Variants in ANKS1B observed in about 807,000 individuals in gnomAD.
ANKS1B encodes ankyrin repeat and sterile alpha motif domain containing 1B.
Under a neutral mutation model 148.3 loss-of-function variants are expected in ANKS1B, and 36 were observed. That is an observed-to-expected ratio of 0.24 (90% CI 0.19 to 0.32). The LOEUF is 0.32. Among genes scored for constraint, ANKS1B ranks in the 10% least tolerant of loss-of-function variants. The pLI, the probability that ANKS1B is intolerant of heterozygous loss-of-function variation, is 1.00. For synonymous variants in ANKS1B, 542 were observed against 560.8 expected (o/e 0.97, Z 0.47); for missense variants, 1,157 against 1,542.6 (o/e 0.75, Z 4.19).
At chr12:99,844,522 G>A (rs377765820) in intron 1 of ANKS1B, among the ~76,000 whole-genome samples, 1 of 151,822 alleles carries the variant, frequency 6.6e-6, no homozygotes, top group Non-Finnish European at 1.5e-5. Context: ...CTTTTGTCAA[G>A]TCTGTCAAAG....
At chr12:99,737,214 T>C (rs1186322735) in intron 8 of ANKS1B, among the ~76,000 whole-genome samples, 1 of 152,120 alleles carries the variant, frequency 6.6e-6, no homozygotes, top group Non-Finnish European at 1.5e-5. Context: ...AAAATCAGTA[T>C]ATCAAAGGGA....
intron 17 of ANKS1B, among the ~76,000 whole-genome samples, chr12:98,860,474 T>A (rs2099593461): frequency 6.6e-6 from 1 of 151,928 alleles, no homozygotes; most frequent in Non-Finnish European, 1.5e-5. Context: ...ACAGCCCTCA[T>A]CCAAAATATG....
At chr12:98,911,457 T>C (rs1306341459) in intron 17 of ANKS1B, among the ~76,000 whole-genome samples, 4 of 152,142 alleles carry the variant, frequency 2.6e-5, no homozygotes, top group Non-Finnish European at 5.9e-5. Context: ...AGTAAAAACA[T>C]AGTGAGTGGT....
intron 17 of ANKS1B, among the ~76,000 whole-genome samples, chr12:99,030,800 G>A (rs959790271): frequency 6.6e-6 from 1 of 152,068 alleles, no homozygotes; most frequent in Non-Finnish European, 1.5e-5. Context: ...AATGATTATC[G>A]AACTGAATTG....
intron 14 of ANKS1B, among the ~76,000 whole-genome samples, chr12:99,235,874 G>T (rs996494729): frequency 4.6e-5 from 7 of 152,130 alleles, no homozygotes; most frequent in African/African-American, 1.7e-4. Flanking sequence ...CTACCAGGGT[G>T]TCACTTAGAC....
At chr12:99,520,050 AT>A (rs1273860871) in intron 9 of ANKS1B, among the ~76,000 whole-genome samples, 1 of 152,094 alleles carries the variant, frequency 6.6e-6, no homozygotes, top group Non-Finnish European at 1.5e-5. Context: ...TGTAGTTGTT[AT>A]TTTTGATTGG....
intron 14 of ANKS1B, among the ~76,000 whole-genome samples, chr12:99,219,936 T>A (rs1379527244): frequency 1.3e-5 from 2 of 152,340 alleles, no homozygotes; most frequent in Admixed American, 6.5e-5. Flanking sequence ...ATTTTAAAAG[T>A]ATTGGAGTAC....
chr12:98,963,806 G>T (rs2099875521), intron 17 of ANKS1B, among the ~76,000 whole-genome samples: 1 of 151,956 alleles, frequency 6.6e-6, no homozygotes, highest in African/African-American at 2.4e-5. Flanking sequence ...AACTCTATAG[G>T]AAAAAAATCT....
intron 1 of ANKS1B, among the ~76,000 whole-genome samples, chr12:99,940,788 G>A (rs1022390885): frequency 6.6e-6 from 1 of 152,036 alleles, no homozygotes; most frequent in Non-Finnish European, 1.5e-5. Context: ...GTCATGAGAA[G>A]ATACAAGTAA....
At chr12:99,357,787 T>A (rs561582830) in intron 12 of ANKS1B, among the ~76,000 whole-genome samples, 1 of 152,282 alleles carries the variant, frequency 6.6e-6, no homozygotes, top group South Asian at 2.1e-4. Context: ...TTTTTGAGGA[T>A]CTTGATACTT....
chr12:98,913,300 C>G (rs1224453957), intron 17 of ANKS1B, among the ~76,000 whole-genome samples: 1 of 152,148 alleles, frequency 6.6e-6, no homozygotes, highest in Non-Finnish European at 1.5e-5. Flanking sequence ...AAATCCAGTT[C>G]CTAGCTTGGA....
At chr12:99,028,765 A>T (rs1227404926) in intron 17 of ANKS1B, among the ~76,000 whole-genome samples, 1 of 152,212 alleles carries the variant, frequency 6.6e-6, no homozygotes, top group Non-Finnish European at 1.5e-5. Flanking sequence ...CTAATTGCTC[A>T]TTACCTAAGG....
chr12:99,113,027 C>T (rs777169797), intron 15 of ANKS1B, among the ~76,000 whole-genome samples: 69 of 152,268 alleles, frequency 4.5e-4, no homozygotes, highest in Middle Eastern at 3.4e-3. Context: ...TATGGAACTT[C>T]GAGTATGCAT....
chr12:99,674,252 T>C (rs1338138445), intron 8 of ANKS1B, among the ~76,000 whole-genome samples: 1 of 151,868 alleles, frequency 6.6e-6, no homozygotes, highest in Non-Finnish European at 1.5e-5. Context: ...GGATGCTTTA[T>C]ATAAGTTATA....
intron 17 of ANKS1B, among the ~76,000 whole-genome samples, chr12:98,887,396 T>C (rs982810576): frequency 6.6e-6 from 1 of 152,208 alleles, no homozygotes; most frequent in African/African-American, 2.4e-5. Context: ...TTGTAAAATT[T>C]GTAAAAATAC....
intron 9 of ANKS1B, among the ~76,000 whole-genome samples, chr12:99,548,740 T>C (rs1428458758): frequency 6.6e-6 from 1 of 152,160 alleles, no homozygotes; most frequent in Non-Finnish European, 1.5e-5. Context: ...CTCTTTGCCT[T>C]TGTTTTTGCT....
intron 1 of ANKS1B, among the ~76,000 whole-genome samples, chr12:99,981,397 A>G (rs2095700627): frequency 6.6e-6 from 1 of 152,116 alleles, no homozygotes; most frequent in Non-Finnish European, 1.5e-5. Context: ...TTACCAGTAG[A>G]TAACAAGTAA....
In ANKS1B at chr12:99,149,246, G is replaced by A. The variant is rs186791986; in HGVS notation, c.2526+5043C>T. On this transcript the variant is annotated intron_variant, in intron 15 of 26. Coordinates refer to ENST00000683438, the MANE Select transcript of ANKS1B (RefSeq NM_001352186.2). ...ATGTAAAAGTGGAAAAGAGATGTAA[G>A]TCCATTAACGTGTAAAATGCACCAT... Among the ~76,000 whole-genome samples, 435 of 152,206 alleles carry A rather than the reference G, an allele frequency of 2.9e-3. 2 individuals carry two copies. The highest frequency in any genetic ancestry group is 0.01 in the African/African-American group (422 of 41,538).
At chr12:99,852,671 C>T (rs1565863053) in intron 1 of ANKS1B, among the ~76,000 whole-genome samples, 2 of 152,164 alleles carry the variant, frequency 1.3e-5, no homozygotes, top group Non-Finnish European at 2.9e-5. Flanking sequence ...ACTTTTGCTC[C>T]AAGAACTACC....
Sources: allele counts gnomAD v4.1 joint callset (sites outside exome capture counted in the v4.1 genomes callset), GRCh38; gene constraint gnomAD v4.1.1; transcripts MANE v1.5; gene names NCBI Gene and HGNC (gene_info 2026-07-23, HGNC 2026-07-21).